Variants in WDR41 observed in about 807,000 individuals in gnomAD.
WDR41 encodes WD repeat domain 41, also known as WD repeat-containing protein 41.
WDR41 carries 63 observed loss-of-function variants against 69.3 expected under a neutral mutation model. The observed-to-expected ratio is 0.91, with a 90% CI of 0.74 to 1.12. WDR41 has a LOEUF of 1.12. WDR41 is among the 50% of genes most tolerant of loss of function. The pLI is 0.00. For missense variants in WDR41, 543 were observed against 534.5 expected, an observed-to-expected ratio of 1.02 and a Z score of -0.16; for synonymous variants, 185 against 192.1, an observed-to-expected ratio of 0.96 and a Z score of 0.31.
At chr5:77,438,460 C>T in intron 9 of WDR41, 99 bp from the exon 10 acceptor site, 1 of 1,500,718 alleles carries the variant, frequency 6.7e-7, no homozygotes, top group South Asian at 1.3e-5. Flanking sequence ...GCCACCATTA[C>T]CTTTCCCATT....
chr5:77,454,798 T>G (rs1302094576), intron 5 of WDR41, among the ~76,000 whole-genome samples: 1 of 152,226 alleles, frequency 6.6e-6, no homozygotes, highest in African/African-American at 2.4e-5. Flanking sequence ...AGTTTATATT[T>G]CTAGTGGTCC....
At chr5:77,584,031 A>C (rs1480192191) in intron 1 of WDR41, among the ~76,000 whole-genome samples, 2 of 152,192 alleles carry the variant, frequency 1.3e-5, no homozygotes, top group African/African-American at 2.4e-5. Flanking sequence ...ATTTGACAAA[A>C]TCCAACACCC....
At chr5:77,595,055 C>A (rs748366391) in intron 1 of WDR41, among the ~76,000 whole-genome samples, 19 of 152,092 alleles carry the variant, frequency 1.2e-4, no homozygotes, top group Non-Finnish European at 2.5e-4. Context: ...ATTTGAGAGC[C>A]TTCTGATTAC....
chr5:77,552,408 A>G (rs1329349997), intron 1 of WDR41, among the ~76,000 whole-genome samples: 8 of 152,196 alleles, frequency 5.3e-5, no homozygotes, highest in Non-Finnish European at 1.0e-4. Context: ...ATAAATGAAG[A>G]GATATATCAT....
chr5:77,475,733 G>A (rs1032308636), intron 2 of WDR41, among the ~76,000 whole-genome samples: 2 of 152,174 alleles, frequency 1.3e-5, no homozygotes, highest in Admixed American at 6.5e-5. Flanking sequence ...AAACAGAGCA[G>A]AAAAACTGGA....
At chr5:77,470,059 A>G (rs936185443) in intron 2 of WDR41, among the ~76,000 whole-genome samples, 20 of 150,390 alleles carry the variant, frequency 1.3e-4, no homozygotes, top group Admixed American at 9.2e-4. Flanking sequence ...AGGGAAGCCC[A>G]TCAGACTAAC....
At chr5:77,449,733 C>T in intron 8 of WDR41, 27 bp downstream of exon 8, 2 of 1,508,314 alleles carry the variant, frequency 1.3e-6, no homozygotes, top group East Asian at 2.3e-5. Context: ...CAAAACTGTA[C>T]ATAATAAATG....
intron 2 of WDR41, among the ~76,000 whole-genome samples, chr5:77,482,660 C>A (rs251470): frequency 0.57 from 86,750 of 151,900 alleles, 26,698 homozygotes; most frequent in African/African-American, 0.8. Flanking sequence ...ATACTCCATC[C>A]GGAAATATAA....
chr5:77,547,507 A>G (rs534368610), intron 1 of WDR41, among the ~76,000 whole-genome samples: 4 of 151,994 alleles, frequency 2.6e-5, no homozygotes, highest in East Asian at 3.9e-4. Context: ...TCAGGAACTC[A>G]ACCCCTTTTA....
intron 1 of WDR41, among the ~76,000 whole-genome samples, chr5:77,578,343 G>GCAAA (rs1743872332): frequency 6.6e-6 from 1 of 152,196 alleles, no homozygotes; most frequent in African/African-American, 2.4e-5. Flanking sequence ...CAGAAAACCA[G>GCAAA]CAAACAAACA....
intron 4 of WDR41, among the ~76,000 whole-genome samples, chr5:77,460,584 G>A (rs1344773531): frequency 6.6e-6 from 1 of 152,176 alleles, no homozygotes; most frequent in African/African-American, 2.4e-5. Flanking sequence ...AAATGCTTAA[G>A]ACCAGAAGTG....
rs1466120592 is a variant in WDR41, at chr5:77,492,185, C to G, written c.36G>C (p.Pro12=). The G allele has an allele frequency of 4.3e-6, 7 of 1,612,172 alleles. No homozygotes were observed. In the African/African-American group the frequency reaches 6.7e-5, roughly 15 times the overall value. ...LRWLIGGGRE[P]QGLAEKSPLQ... ...CGGGGTTTACCTCGGCCAGTCCCTG[C>G]GGTTCTCGGCCTCCCCCGATCAGCC... The change falls in exon 1 of 13, where the codon CCG becomes CCC. Residue 12 remains proline (P), a synonymous_variant. Coordinates refer to ENST00000296679, the MANE Select transcript of WDR41 (RefSeq NM_018268.4).
chr5:77,614,706 C>A (rs10059278), intron 1 of WDR41, among the ~76,000 whole-genome samples: 104,177 of 147,178 alleles, frequency 0.71, 37,147 homozygotes, highest in Admixed American at 0.78. Context: ...CTTAATGACG[C>A]GTTAATGGGT....
At chr5:77,498,925 A>G (rs1375863708) in intron 1 of WDR41, among the ~76,000 whole-genome samples, 1 of 152,144 alleles carries the variant, frequency 6.6e-6, no homozygotes, top group African/African-American at 2.4e-5. Flanking sequence ...GATAAATTGT[A>G]CTACATCAAA....
At chr5:77,617,246 T>G (rs1370536242) in intron 1 of WDR41, among the ~76,000 whole-genome samples, 1 of 152,244 alleles carries the variant, frequency 6.6e-6, no homozygotes, top group Non-Finnish European at 1.5e-5. Context: ...TAACTTAAAT[T>G]TAAATAGCCA....
At chr5:77,543,196 A>G (rs1212157244) in intron 1 of WDR41, among the ~76,000 whole-genome samples, 1 of 152,208 alleles carries the variant, frequency 6.6e-6, no homozygotes, top group Non-Finnish European at 1.5e-5. Context: ...GAGCCTACCC[A>G]AATGAGAAGG....
chr5:77,553,517 G>A (rs1270691057), intron 1 of WDR41, among the ~76,000 whole-genome samples: 2 of 151,970 alleles, frequency 1.3e-5, no homozygotes, highest in Admixed American at 6.6e-5. Flanking sequence ...AATTTTGGAG[G>A]GAATGCCATC....
chr5:77,461,290 C>T (rs754791427), intron 4 of WDR41, among the ~76,000 whole-genome samples: 2 of 152,170 alleles, frequency 1.3e-5, no homozygotes, highest in Middle Eastern at 3.2e-3. Context: ...CACAAACATA[C>T]ATATATGTGT....
At position 77,453,850 on chromosome 5, in the gene WDR41, G is replaced by T. The variant is rs1799718372; in HGVS notation, c.490C>A (p.Leu164Ile). ...DLCVWNRKLD[L>I]LCKTSHLSDT... ...GAAAGGTGGCTAGTCTTACACAGGA[G>T]ATCTAATTTTCGGTTCCACACACAC... The change falls in exon 6 of 13, where the codon CTC (leucine) becomes ATC (isoleucine). Residue 164 changes from leucine (L) to isoleucine (I), a missense_variant. Leu to Ile is a conservative substitution (Grantham distance 5). Transcript: ENST00000296679. 2 of 1,614,018 alleles carry T rather than the reference G, an allele frequency of 1.2e-6. No individual in the cohort carries two copies. The highest frequency in any genetic ancestry group is 4.5e-5 in the East Asian group (2 of 44,864).
Sources: allele counts gnomAD v4.1 joint callset (sites outside exome capture counted in the v4.1 genomes callset), GRCh38; gene constraint gnomAD v4.1.1; transcripts MANE v1.5; gene names NCBI Gene and HGNC (gene_info 2026-07-23, HGNC 2026-07-21).